DNAJA2: variants seen among roughly 807,000 people sequenced by gnomAD.
DNAJA2 encodes DnaJ heat shock protein family (Hsp40) member A2, also known as dnaJ homolog subfamily A member 2.
DNAJA2 carries 6 observed loss-of-function variants against 49.3 expected under a neutral mutation model. That is an observed-to-expected ratio of 0.12 (90% CI 0.07 to 0.24). The LOEUF (loss-of-function observed/expected upper bound fraction) is 0.24, where lower values mean the gene tolerates loss of function less well. DNAJA2 is among the 10% of genes least tolerant of loss of function. DNAJA2 has a pLI of 1.00. For missense variants in DNAJA2, 347 were observed against 516.8 expected (o/e 0.67, Z 3.19); for synonymous variants, 160 against 172.7 (o/e 0.93, Z 0.58).
chr16:46,968,910 G>A (rs1224230277), intron 3 of DNAJA2, among the ~76,000 whole-genome samples: 2 of 152,154 alleles, frequency 1.3e-5, no homozygotes, highest in Admixed American at 6.5e-5. Flanking sequence ...TTAGCCAGGT[G>A]TAGTGGCATG....
chr16:46,972,047 G>T, intron 1 of DNAJA2, 92 bp from the exon 2 acceptor site: 2 of 898,242 alleles, frequency 2.2e-6, no homozygotes, highest in Non-Finnish European at 3.6e-6. Context: ...GAGAAGTAAT[G>T]TTCTAGAGTT....
At chr16:46,961,391 CA>C (rs1567352972) in intron 6 of DNAJA2, among the ~76,000 whole-genome samples, 2 of 151,376 alleles carry the variant, frequency 1.3e-5, no homozygotes, top group African/African-American at 2.4e-5. Flanking sequence ...AAAATAAAAA[CA>C]AAAATAAAAA....
Position 46,956,620 on chromosome 16 carries a change from G to A in DNAJA2, c.*409C>T. Reference sequence around the variant, plus strand: ...GGCTATGAAATTCTTTATTCTATTTGTAGCAGCTTATGCAGGTGCAGCCAA... The same window carrying A: ...GGCTATGAAATTCTTTATTCTATTTATAGCAGCTTATGCAGGTGCAGCCAA... On this transcript the variant is annotated 3_prime_UTR_variant, in exon 9 of 9. Coordinates refer to ENST00000317089, the MANE Select transcript of DNAJA2 (RefSeq NM_005880.4). The A allele has an allele frequency of 6.0e-6, 1 of 166,430 alleles. No homozygotes were observed. 10.3% of individuals were successfully genotyped at this position (166,430 alleles called of 1,614,324 possible). A position where few individuals can be genotyped will look rare whatever the true frequency, so the allele number is the denominator to read the frequency against.
chr16:46,957,117 C>T lies in DNAJA2; in HGVS notation c.1151G>A (p.Gly384Asp). 1 of 1,614,194 alleles carries T rather than the reference C, an allele frequency of 6.2e-7. No homozygotes were observed. The highest frequency in any genetic ancestry group is 1.1e-5 in the South Asian group (1 of 91,082). ...ATTATAGGCTTCACGCCTCTGACCA[C>T]CTCCTGAGCCTCGAGTGCTATCAAA... ...QEFDSTRGSG[G>D]GQRREAYNDS... is the part of the protein sequence containing the mutation. The change falls in exon 9 of 9, where the codon GGT becomes GAT. Residue 384 changes from glycine (G) to aspartate (D), a missense_variant. Gly to Asp is a moderately conservative substitution (Grantham distance 94, BLOSUM62 -1). Coordinates refer to ENST00000317089, the MANE Select transcript of DNAJA2 (RefSeq NM_005880.4).
chr16:46,956,917 C>A lies in DNAJA2; in HGVS notation c.*112G>T. 8.4e-7 allele frequency: 1 copy of A among 1,185,280 alleles called. No homozygotes were observed. The highest frequency in any genetic ancestry group is 1.2e-6 in the Non-Finnish European group (1 of 802,114). The allele number at this position is 1,185,280 out of a possible 1,614,324, so 73.4% of individuals were successfully genotyped here. Reference sequence around the variant, plus strand: ...CCAATTTTAAAAGTTATACATAGACCAACAGATGTCCCTCAGTTCATCTGG... The same window carrying A: ...CCAATTTTAAAAGTTATACATAGACAAACAGATGTCCCTCAGTTCATCTGG... On this transcript the variant is annotated 3_prime_UTR_variant, in exon 9 of 9. Transcript: ENST00000317089.
Position 46,957,198 on chromosome 16 carries a change from G to T in DNAJA2, c.1070C>A (p.Ser357Tyr). 4 of 1,603,520 alleles carry T rather than the reference G, an allele frequency of 2.5e-6. No individual in the cohort carries two copies. Among genetic ancestry groups the T allele is most frequent in the Non-Finnish European group, 3.4e-6 (4 of 1,175,930 alleles). The change falls in exon 9 of 9, where the codon TCT becomes TAT. Residue 357 changes from serine (S) to tyrosine (Y), a missense_variant. By Grantham distance (144) the Ser-to-Tyr change is moderately radical. Coordinates refer to ENST00000317089, the MANE Select transcript of DNAJA2 (RefSeq NM_005880.4). The part of the protein sequence containing the change: ...KLSELEDLLP[S>Y]RPEVPNIIGE... ...AATTATGTTAGGAACTTCCGGTCTA[G>T]ATGGCAGAAGATCTTCTAGTTCCTT... is the stretch of plus-strand genomic sequence containing the variant.
At chr16:46,958,928 A>T in intron 8 of DNAJA2, 75 bp downstream of exon 8, 1 of 1,503,830 alleles carries the variant, frequency 6.6e-7, no homozygotes, top group African/African-American at 1.4e-5. Flanking sequence ...TGGGTGACAG[A>T]GACCCTGTCT....
intron 5 of DNAJA2, 70 bp downstream of exon 5, chr16:46,967,443 G>T: frequency 6.3e-7 from 1 of 1,589,366 alleles, no homozygotes; most frequent in Non-Finnish European, 8.6e-7. Context: ...ATAAAAAATT[G>T]TAAACCTCTC....
intron 2 of DNAJA2, 104 bp from the exon 3 acceptor site, chr16:46,971,676 A>AAAAAT: frequency 2.0e-6 from 2 of 984,276 alleles, no homozygotes; most frequent in East Asian, 2.7e-5. Flanking sequence ...AAAAAAAAAA[A>AAAAAT]GGGACAAGTT....
intron 7 of DNAJA2, 64 bp from the exon 8 acceptor site, chr16:46,959,194 T>C: frequency 1.3e-6 from 2 of 1,579,568 alleles, no homozygotes; most frequent in Non-Finnish European, 1.7e-6. Flanking sequence ...TTTTTTAGAG[T>C]TATGCAGTAT....
chr16:46,970,892 G>GC (rs1962037078), intron 3 of DNAJA2, among the ~76,000 whole-genome samples: 1 of 151,446 alleles, frequency 6.6e-6, no homozygotes, highest in South Asian at 2.1e-4. Context: ...TACAAAATTA[G>GC]CCGGGTGTGT....
chr16:46,964,484 G>T, intron 6 of DNAJA2, 127 bp downstream of exon 6: 2 of 842,318 alleles, frequency 2.4e-6, no homozygotes, highest in Non-Finnish European at 3.6e-6. Context: ...AACTCACCAT[G>T]ATGCCCTTAA....
At chr16:46,972,883 G>C (rs1183000881) in intron 1 of DNAJA2, 2 of 152,242 alleles carry the variant, frequency 1.3e-5, no homozygotes, top group Admixed American at 1.3e-4. Flanking sequence ...CCTGCCCAAA[G>C]AACAATGCAT....
Position 46,956,796 on chromosome 16 carries a change from GTTTCC to G in DNAJA2, c.*228_*232del, listed in dbSNP as rs754514616. ...TAATCCATGTGTGAAAGGGAGTCTT[GTTTCC>G]TTTCAAGTGCTTTATTCTGCTATGG... is the stretch of plus-strand genomic sequence containing the variant. On this transcript the variant is annotated 3_prime_UTR_variant, in exon 9 of 9. Coordinates refer to ENST00000317089, the MANE Select transcript of DNAJA2 (RefSeq NM_005880.4). The G allele has an allele frequency of 7.3e-5, 32 of 441,040 alleles. No individual in the cohort carries two copies. The highest frequency in any genetic ancestry group is 2.7e-4 in the East Asian group (7 of 25,612). The allele number at this position is 441,040 out of a possible 1,614,324, so 27.3% of individuals were successfully genotyped here.
chr16:46,971,663 A>T (rs943745502), intron 2 of DNAJA2, 91 bp from the exon 3 acceptor site: 1 of 935,204 alleles, frequency 1.1e-6, no homozygotes, highest in Non-Finnish European at 1.6e-6. Context: ...TTTAATTCTA[A>T]AAAAAAAAAA....
At chr16:46,970,077 T>C (rs1962023392) in intron 3 of DNAJA2, among the ~76,000 whole-genome samples, 1 of 152,226 alleles carries the variant, frequency 6.6e-6, no homozygotes, top group South Asian at 2.1e-4. Context: ...TACTCAAGTG[T>C]ATAAACTAGG....
intron 5 of DNAJA2, among the ~76,000 whole-genome samples, chr16:46,966,712 A>G (rs1405994844): frequency 6.6e-6 from 1 of 152,230 alleles, no homozygotes; most frequent in African/African-American, 2.4e-5. Flanking sequence ...CAAAGACTAA[A>G]TTATTTACTT....
chr16:46,956,876 C>T lies in DNAJA2; in HGVS notation c.*153G>A. 1.3e-6 allele frequency: 1 copy of T among 785,350 alleles called. No individual in the cohort carries two copies. The highest frequency in any genetic ancestry group is 1.6e-5 in the South Asian group (1 of 61,046). 48.6% of individuals were successfully genotyped at this position (785,350 alleles called of 1,614,324 possible). A position where few individuals can be genotyped will look rare whatever the true frequency, so the allele number is the denominator to read the frequency against. On this transcript the variant is annotated 3_prime_UTR_variant, in exon 9 of 9. Coordinates refer to ENST00000317089, the MANE Select transcript of DNAJA2 (RefSeq NM_005880.4). The stretch of plus-strand genomic sequence containing the variant: ...CTTTGTGGTTAGTTTAAATTATACA[C>T]TCTGTAGATACTATACCAATTTTAA...
chr16:46,972,151 C>T (rs1053356826), intron 1 of DNAJA2, 196 bp from the exon 2 acceptor site: 1 of 552,740 alleles, frequency 1.8e-6, no homozygotes, highest in Non-Finnish European at 3.2e-6. Flanking sequence ...TAGACAGCAG[C>T]TATACTTGAA....
Sources: gnomAD v4.1 joint callset for allele counts (sites outside exome capture counted in the v4.1 genomes callset) on GRCh38, gnomAD v4.1.1 for gene constraint, MANE v1.5 for transcripts, NCBI Gene and HGNC (gene_info 2026-07-23, HGNC 2026-07-21) for gene names.